Variants in BMPR1B observed in about 807,000 individuals in gnomAD.
The protein encoded by BMPR1B is bone morphogenetic protein receptor type-1B.
In BMPR1B, 12 loss-of-function variants were observed where a neutral mutation model predicts 59.1. The observed-to-expected ratio is 0.20, with a 90% CI of 0.13 to 0.33. The LOEUF (loss-of-function observed/expected upper bound fraction) is 0.33. BMPR1B is among the 10% of genes least tolerant of loss of function. The pLI is 1.00. For missense variants in BMPR1B, 550 were observed against 610.9 expected (o/e 0.90, Z 1.05); for synonymous variants, 237 against 207.3 (o/e 1.14, Z -1.23).
chr4:95,123,968 T>G (rs919409571), intron 7 of BMPR1B, 62 bp downstream of exon 7: 60 of 1,195,014 alleles, frequency 5.0e-5, no homozygotes, highest in Non-Finnish European at 7.2e-5. Context: ...TTACTAATAT[T>G]CTGCTTTTGC....
At chr4:94,787,875 T>C (rs1722821414) in intron 1 of BMPR1B, among the ~76,000 whole-genome samples, 1 of 152,188 alleles carries the variant, frequency 6.6e-6, no homozygotes, top group Admixed American at 6.5e-5. Flanking sequence ...ATCACAAGAT[T>C]CACTGGAGTT....
intron 1 of BMPR1B, among the ~76,000 whole-genome samples, chr4:94,798,494 C>T (rs1165604465): frequency 6.6e-6 from 1 of 152,218 alleles, no homozygotes; most frequent in Non-Finnish European, 1.5e-5. Context: ...CTTAAGACCA[C>T]CACATCATCA....
chr4:94,958,270 T>G (rs1006470981), intron 2 of BMPR1B, among the ~76,000 whole-genome samples: 1 of 152,176 alleles, frequency 6.6e-6, no homozygotes, highest in African/African-American at 2.4e-5. Context: ...ATGAGTAAAG[T>G]ATTACATAAG....
At chr4:94,831,137 A>G (rs79321640) in intron 1 of BMPR1B, among the ~76,000 whole-genome samples, 2 of 149,836 alleles carry the variant, frequency 1.3e-5, no homozygotes, top group East Asian at 2.0e-4. Flanking sequence ...GGGACAGGAT[A>G]TGGAGGGGAA....
At chr4:94,867,639 A>C (rs1043156379) in intron 1 of BMPR1B, among the ~76,000 whole-genome samples, 1 of 152,034 alleles carries the variant, frequency 6.6e-6, no homozygotes, top group East Asian at 1.9e-4. Flanking sequence ...TTTTCACTTC[A>C]TTTCACCTAA....
chr4:95,040,318 T>C (rs1725563925), intron 3 of BMPR1B, among the ~76,000 whole-genome samples: 1 of 152,210 alleles, frequency 6.6e-6, no homozygotes, highest in Non-Finnish European at 1.5e-5. Context: ...CTTTAAATCC[T>C]TTTGTGTTAA....
At position 95,154,756 on chromosome 4, in the gene BMPR1B, C is replaced by A; in HGVS notation, c.*83C>A. 6.4e-7 allele frequency: 1 copy of A among 1,572,042 alleles called. No homozygotes were observed. The highest frequency in any genetic ancestry group is 8.7e-7 in the Non-Finnish European group (1 of 1,144,414). ...GGCAGAGCAAAAGACATCAAATAAG[C>A]ATCCACAGTACAAGCCTTGAACATC... On this transcript the variant is annotated 3_prime_UTR_variant, in exon 13 of 13. Transcript: ENST00000515059.
At chr4:95,057,406 A>G (rs2149198688) in intron 3 of BMPR1B, among the ~76,000 whole-genome samples, 1 of 151,972 alleles carries the variant, frequency 6.6e-6, no homozygotes, top group East Asian at 1.9e-4. Flanking sequence ...CACCACGCCC[A>G]GCTATTTTTG....
At chr4:94,857,852 A>G (rs1725821649) in intron 1 of BMPR1B, among the ~76,000 whole-genome samples, 1 of 152,284 alleles carries the variant, frequency 6.6e-6, no homozygotes, top group Admixed American at 6.5e-5. Flanking sequence ...ATATCAGTTT[A>G]GAAAACAATG....
chr4:94,959,360 CAAT>C (rs1464967439), intron 2 of BMPR1B, among the ~76,000 whole-genome samples: 1 of 152,084 alleles, frequency 6.6e-6, no homozygotes, highest in African/African-American at 2.4e-5. Context: ...CACCTTGAAA[CAAT>C]GTGTTCAAAT....
intron 2 of BMPR1B, among the ~76,000 whole-genome samples, chr4:94,897,424 T>C (rs1048443668): frequency 1.3e-5 from 2 of 152,084 alleles, no homozygotes; most frequent in African/African-American, 4.8e-5. Flanking sequence ...CTGTCTTTCA[T>C]TCACCCAGAA....
At chr4:94,886,718 CTGCAAAATAACT>C (rs1727183652) in intron 2 of BMPR1B, among the ~76,000 whole-genome samples, 2 of 152,058 alleles carry the variant, frequency 1.3e-5, no homozygotes, top group South Asian at 4.1e-4. Context: ...AATGACATGA[CTGCAAAATAACT>C]GTAAGTTCTG....
intron 1 of BMPR1B, among the ~76,000 whole-genome samples, chr4:94,805,625 G>A (rs1723578682): frequency 6.6e-6 from 1 of 152,072 alleles, no homozygotes; most frequent in African/African-American, 2.4e-5. Context: ...ATTCCCAAAA[G>A]TTCAAATGGG....
At chr4:94,761,018 A>G (rs1721740833) in intron 1 of BMPR1B, among the ~76,000 whole-genome samples, 1 of 152,226 alleles carries the variant, frequency 6.6e-6, no homozygotes, top group African/African-American at 2.4e-5. Context: ...CCATGCTCAG[A>G]AATAGAAAGT....
At chr4:95,058,259 A>G (rs1425460136) in intron 3 of BMPR1B, among the ~76,000 whole-genome samples, 1 of 152,140 alleles carries the variant, frequency 6.6e-6, no homozygotes, top group East Asian at 1.9e-4. Flanking sequence ...GTCTGAAACT[A>G]TGTTTCTGAT....
intron 2 of BMPR1B, among the ~76,000 whole-genome samples, chr4:94,925,936 C>A (rs1412251852): frequency 6.6e-6 from 1 of 151,944 alleles, no homozygotes; most frequent in Non-Finnish European, 1.5e-5. Context: ...GCAAAGATTA[C>A]CTGCAAGGCA....
intron 1 of BMPR1B, among the ~76,000 whole-genome samples, chr4:94,839,921 G>T (rs1724984699): frequency 6.6e-6 from 1 of 151,770 alleles, no homozygotes; most frequent in Non-Finnish European, 1.5e-5. Context: ...TCCATGTTTA[G>T]TGCTTCCTTC....
At chr4:95,032,802 C>T (rs868818302) in intron 3 of BMPR1B, among the ~76,000 whole-genome samples, 1 of 152,094 alleles carries the variant, frequency 6.6e-6, no homozygotes, top group South Asian at 2.1e-4. Flanking sequence ...TGGGTTGGTT[C>T]CACCTTTTGG....
chr4:94,758,684 C>T (rs1560801608), intron 1 of BMPR1B, among the ~76,000 whole-genome samples: 1 of 151,976 alleles, frequency 6.6e-6, no homozygotes, highest in Non-Finnish European at 1.5e-5. Context: ...CCTGTCTCTT[C>T]TCCTCTCTCT....
Sources: allele counts gnomAD v4.1 joint callset (sites outside exome capture counted in the v4.1 genomes callset), GRCh38; gene constraint gnomAD v4.1.1; transcripts MANE v1.5; gene names NCBI Gene and HGNC (gene_info 2026-07-23, HGNC 2026-07-21).